GRIK4: variants seen among roughly 807,000 people sequenced by gnomAD.
GRIK4 encodes glutamate ionotropic receptor kainate type subunit 4.
A neutral mutation model predicts 104.9 loss-of-function variants in GRIK4; 40 were observed. The observed-to-expected ratio is 0.38, with a 90% CI of 0.30 to 0.50. GRIK4 has a LOEUF of 0.50. Among genes scored for constraint, GRIK4 ranks in the 20% least tolerant of loss-of-function variants. The pLI, the probability that GRIK4 is intolerant of heterozygous loss-of-function variation, is 0.93. For missense variants in GRIK4, 1,047 were observed against 1,308.1 expected (o/e 0.80, Z 3.08); for synonymous variants, 485 against 524.9 (o/e 0.92, Z 1.04).
In GRIK4 at chr11:120,956,085, C is replaced by T. The variant is rs931842148; in HGVS notation, c.1701-695C>T. ...TGCTCTAGGCTGAGGGTCTTCAAAC[C>T]GTGGTTCTAAGGGACACTAATATCT... On this transcript the variant is annotated intron_variant, in intron 15 of 20. Coordinates refer to ENST00000527524, the MANE Select transcript of GRIK4 (RefSeq NM_014619.5). This position sits in a 1 kb window ranked among gnomAD's most constrained non-coding sequence, Gnocchi z 4.6. Among the ~76,000 whole-genome samples, 10 of 152,144 alleles carry T rather than the reference C, an allele frequency of 6.6e-5. No individual in the cohort carries two copies. The highest frequency in any genetic ancestry group is 1.2e-4 in the Non-Finnish European group (8 of 68,016).
chr11:120,860,170 C>T (rs1737719899), intron 8 of GRIK4, among the ~76,000 whole-genome samples: 1 of 152,156 alleles, frequency 6.6e-6, no homozygotes, highest in Non-Finnish European at 1.5e-5. Context: ...TCCTGTGTAC[C>T]CCCAGGGTGT....
At position 120,836,563 on chromosome 11, in the gene GRIK4, G is replaced by A. The variant is rs1953579433; in HGVS notation, c.691-228G>A. Among the ~76,000 whole-genome samples, 3 of 152,302 alleles carry A rather than the reference G, an allele frequency of 2.0e-5. No homozygotes were observed. In the South Asian group the frequency reaches 6.2e-4, roughly 32 times the overall value. ...CCAGCTACTACGCATGCCACTGCAG[G>A]GGTAGGGGGCCAGGCGGAGGTGGAG... On this transcript the variant is annotated intron_variant, in intron 7 of 20. Coordinates refer to ENST00000527524, the MANE Select transcript of GRIK4 (RefSeq NM_014619.5).
At chr11:120,716,521 G>T (rs148147481) in intron 3 of GRIK4, among the ~76,000 whole-genome samples, 2 of 152,324 alleles carry the variant, frequency 1.3e-5, no homozygotes, top group Non-Finnish European at 2.9e-5. Context: ...TGTGATTAGA[G>T]GTGTGAGCCA....
At chr11:120,537,545 C>T (rs1591681507) in intron 1 of GRIK4, among the ~76,000 whole-genome samples, 1 of 152,266 alleles carries the variant, frequency 6.6e-6, no homozygotes, top group East Asian at 1.9e-4. Context: ...TACCTGGATG[C>T]CCACAGTGAA....
At position 120,982,244 on chromosome 11, in the gene GRIK4, T is replaced by C; in HGVS notation, c.2514+20T>C. ...ACTGAGGTAAACTTTCAAAGGGGTA[T>C]GATCGATCGTGTTGGCAGATGGGGT... is the stretch of plus-strand genomic sequence containing the variant. On this transcript the variant is annotated intron_variant, in intron 20 of 20. Coordinates refer to ENST00000527524, the MANE Select transcript of GRIK4 (RefSeq NM_014619.5). 7.7e-7 allele frequency: 1 copy of C among 1,292,888 alleles called. No individual in the cohort carries two copies. The highest frequency in any genetic ancestry group is 1.1e-6 in the Non-Finnish European group (1 of 886,456). 80.1% of individuals were successfully genotyped at this position (1,292,888 alleles called of 1,614,324 possible). A position where few individuals can be genotyped will look rare whatever the true frequency, so the allele number is the denominator to read the frequency against.
chr11:120,769,131 T>A (rs1951892832), intron 3 of GRIK4, among the ~76,000 whole-genome samples: 1 of 152,206 alleles, frequency 6.6e-6, no homozygotes, highest in East Asian at 1.9e-4. Flanking sequence ...CTTCCTTGAA[T>A]GTTTGGTAGA....
rs114635062 is a variant in GRIK4, at chr11:120,711,131, A to T, written c.82+50731A>T. 5.4e-3 allele frequency among the ~76,000 whole-genome samples: 829 copies of T among 152,292 alleles called. 10 individuals are homozygous for T. Among genetic ancestry groups the T allele is most frequent in the African/African-American group, 0.019 (778 of 41,560 alleles). On this transcript the variant is annotated intron_variant, in intron 3 of 20. Coordinates refer to ENST00000527524, the MANE Select transcript of GRIK4 (RefSeq NM_014619.5). The stretch of plus-strand genomic sequence containing the variant: ...GTGTCTCTGATGAATCCTGCACCAC[A>T]GCTTGTTATGTCAGGAAAGCGTGCC...
chr11:120,958,382 G>T (rs188014979), intron 16 of GRIK4, among the ~76,000 whole-genome samples: 72 of 152,360 alleles, frequency 4.7e-4, no homozygotes, highest in African/African-American at 1.4e-3. Flanking sequence ...GCGAATGCAA[G>T]CCGCCGTGAC....
Position 120,591,525 on chromosome 11 carries a change from G to A in GRIK4, c.-158-62160G>A, listed in dbSNP as rs559182850. Among the ~76,000 whole-genome samples the A allele has an allele frequency of 1.6e-4, 24 of 152,258 alleles. 1 individual carries two copies. The highest frequency in any genetic ancestry group is 9.8e-4 in the Admixed American group (15 of 15,306). On this transcript the variant is annotated intron_variant, in intron 1 of 20. Transcript: ENST00000527524. ...TAAGGTTAGAATTTAATGTAAAAGC[G>A]TGTTGTAAGGGTTAACTGTAGCATA...
At chr11:120,782,242 A>G (rs1290334906) in intron 3 of GRIK4, among the ~76,000 whole-genome samples, 2 of 150,418 alleles carry the variant, frequency 1.3e-5, no homozygotes, top group African/African-American at 2.5e-5. Context: ...TCTATTTCCA[A>G]TGCTTGGAAC....
chr11:120,651,798 T>C (rs911319905), intron 1 of GRIK4, among the ~76,000 whole-genome samples: 1 of 152,212 alleles, frequency 6.6e-6, no homozygotes, highest in Non-Finnish European at 1.5e-5. Flanking sequence ...GGCCAAAGGG[T>C]ACTCCCAGAT....
chr11:120,726,729 TAGTTGGGCATAGA>T (rs1320237572), intron 3 of GRIK4, among the ~76,000 whole-genome samples: 1 of 152,114 alleles, frequency 6.6e-6, no homozygotes, highest in Non-Finnish European at 1.5e-5. Flanking sequence ...TGTCAACTAA[TAGTTGGGCATAGA>T]AGTTGAGAGA....
chr11:120,756,084 G>A (rs1951646102), intron 3 of GRIK4, among the ~76,000 whole-genome samples: 1 of 152,186 alleles, frequency 6.6e-6, no homozygotes, highest in Admixed American at 6.5e-5. Context: ...CATCAGGTAG[G>A]ACTGATGCTA....
intron 3 of GRIK4, among the ~76,000 whole-genome samples, chr11:120,783,831 C>A (rs540736691): frequency 2.0e-5 from 3 of 152,084 alleles, no homozygotes; most frequent in Admixed American, 1.3e-4. Flanking sequence ...AGGAAACAGG[C>A]GGGTTAGTGT....
chr11:120,698,132 T>C (rs1301897359), intron 3 of GRIK4, among the ~76,000 whole-genome samples: 1 of 152,196 alleles, frequency 6.6e-6, no homozygotes, highest in Non-Finnish European at 1.5e-5. Flanking sequence ...AAAAACCTAC[T>C]TTACTCTGTC....
chr11:120,979,320 T>G (rs1944612969), intron 19 of GRIK4, among the ~76,000 whole-genome samples: 1 of 152,236 alleles, frequency 6.6e-6, no homozygotes, highest in African/African-American at 2.4e-5. Flanking sequence ...CTTTGCAACA[T>G]TCTTTTGTAT....
At chr11:120,733,795 T>G (rs1391685588) in intron 3 of GRIK4, among the ~76,000 whole-genome samples, 1 of 151,444 alleles carries the variant, frequency 6.6e-6, no homozygotes, top group Non-Finnish European at 1.5e-5. Flanking sequence ...TAGAGTATGG[T>G]GGCACGATCT....
intron 8 of GRIK4, among the ~76,000 whole-genome samples, chr11:120,847,610 G>A (rs1479151963): frequency 6.6e-6 from 1 of 152,222 alleles, no homozygotes; most frequent in Non-Finnish European, 1.5e-5. Context: ...TTTAGCTAAG[G>A]CCTTAACCAA....
chr11:120,782,575 G>A (rs1216123205), intron 3 of GRIK4, among the ~76,000 whole-genome samples: 1 of 152,146 alleles, frequency 6.6e-6, no homozygotes, highest in East Asian at 1.9e-4. Flanking sequence ...ATGAGCCACC[G>A]CGCCTGGCCG....
Sources: allele counts gnomAD v4.1 joint callset (sites outside exome capture counted in the v4.1 genomes callset), GRCh38; gene constraint gnomAD v4.1.1; non-coding constraint Gnocchi (gnomAD v3.1); transcripts MANE v1.5; gene names NCBI Gene and HGNC (gene_info 2026-07-23, HGNC 2026-07-21).